The following TUBGCP4 variants were observed in gnomAD, a reference collection of about 807,000 sequenced individuals.
TUBGCP4 encodes the protein gamma-tubulin complex component 4.
TUBGCP4 carries 54 observed loss-of-function variants against 91.6 expected under a neutral mutation model. That is an observed-to-expected ratio of 0.59 (90% CI 0.47 to 0.74). The LOEUF is 0.74. TUBGCP4 is among the 30% of genes least tolerant of loss of function. The probability of loss-of-function intolerance (pLI) is 0.00; values close to 1 mark genes in which losing one functional copy is unlikely to be tolerated. For missense variants in TUBGCP4, 593 were observed against 800.9 expected (o/e 0.74, Z 3.13); for synonymous variants, 297 against 302.8 (o/e 0.98, Z 0.20).
intron 6 of TUBGCP4, among the ~76,000 whole-genome samples, chr15:43,380,454 A>C (rs1377246123): frequency 6.6e-6 from 1 of 152,246 alleles, no homozygotes; most frequent in Non-Finnish European, 1.5e-5. Flanking sequence ...ATTCCATTAC[A>C]TGTGCCAGAT....
chr15:43,399,924 C>T, intron 13 of TUBGCP4, 120 bp from the exon 14 acceptor site: 1 of 614,538 alleles, frequency 1.6e-6, no homozygotes, highest in South Asian at 2.7e-5. Context: ...TCTCTAGTCA[C>T]TCTTTCCTTA....
At chr15:43,384,314 A>C (rs1225884651) in intron 7 of TUBGCP4, among the ~76,000 whole-genome samples, 1 of 152,222 alleles carries the variant, frequency 6.6e-6, no homozygotes, top group South Asian at 2.1e-4. Context: ...AGATATAGAA[A>C]AGTAAACAGT....
intron 9 of TUBGCP4, among the ~76,000 whole-genome samples, chr15:43,386,725 C>CAAA (rs10718458): frequency 1.8e-4 from 12 of 66,986 alleles, no homozygotes; most frequent in Non-Finnish European, 2.3e-4. Flanking sequence ...ACTCTGTCTC[C>CAAA]AAAAAAAAAA....
rs1015030518 is a variant in TUBGCP4, at chr15:43,405,119, C to G, written c.1989-83C>G. 3 of 1,488,472 alleles carry G rather than the reference C, an allele frequency of 2.0e-6. No homozygotes were observed. The African/African-American group carries it at 4.2e-5, about 21-fold the overall frequency. 92.2% of individuals were successfully genotyped at this position (1,488,472 alleles called of 1,614,324 possible). ...AGTTTTAAGATGACATTATTTAGAT[C>G]ACAGGTTATCCTGATTCATATTTCT... On this transcript the variant is annotated intron_variant, in intron 17 of 17. Transcript: ENST00000564079.
intron 5 of TUBGCP4, among the ~76,000 whole-genome samples, chr15:43,379,030 G>T (rs575176861): frequency 6.6e-6 from 1 of 152,224 alleles, no homozygotes; most frequent in Non-Finnish European, 1.5e-5. Context: ...TTCAACTTCC[G>T]CTGGCTATAG....
In TUBGCP4 at chr15:43,397,213, G is replaced by A; in HGVS notation, c.1172-1G>A. ...GTCAGCCTGCGTGTTCTTTCTTGCA[G>A]ATGTGAATGTGGCCTTTCAACAGTC... On this transcript the variant is annotated splice_acceptor_variant, in intron 11 of 17. Transcript: ENST00000564079. LOFTEE classifies it high-confidence loss of function. 6.2e-7 allele frequency: 1 copy of A among 1,613,480 alleles called. No homozygotes were observed. Among genetic ancestry groups the A allele is most frequent in the Non-Finnish European group, 8.5e-7 (1 of 1,179,388 alleles).
intron 1 of TUBGCP4, among the ~76,000 whole-genome samples, chr15:43,374,676 A>C (rs2044176085): frequency 6.6e-6 from 1 of 152,204 alleles, no homozygotes; most frequent in African/African-American, 2.4e-5. Flanking sequence ...GGTATATCCC[A>C]AAAGAAGTGA....
chr15:43,399,204 G>T, intron 13 of TUBGCP4: 1 of 1,174,296 alleles, frequency 8.5e-7, no homozygotes, highest in Non-Finnish European at 1.1e-6. Context: ...CCAGGAATCA[G>T]CTGTTCTTCC....
At position 43,405,507 on chromosome 15, in the gene TUBGCP4, A is replaced by G. The variant is rs957186156; in HGVS notation, c.*293A>G. The G allele has an allele frequency of 6.2e-6, 3 of 481,970 alleles. No individual in the cohort carries two copies. The highest frequency in any genetic ancestry group is 5.8e-5 in the African/African-American group (3 of 51,426). The allele number at this position is 481,970 out of a possible 1,614,324, so 29.9% of individuals were successfully genotyped here. On this transcript the variant is annotated 3_prime_UTR_variant, in exon 18 of 18. Coordinates refer to ENST00000564079, the MANE Select transcript of TUBGCP4 (RefSeq NM_014444.5). ...AATAGTCATTTATTGAGCACCTACTACGTACCTTGGTACTGTTCAAGCTGT... is the reference window on the plus strand; with the variant it reads ...AATAGTCATTTATTGAGCACCTACTGCGTACCTTGGTACTGTTCAAGCTGT...
rs996030200 is a variant in TUBGCP4 at position 43,406,939 on chromosome 15, CAG to C, written c.*1728_*1729del. ...GAGGTCTTTTTTAACTGTCAGGAAA[CAG>C]AGCTGTGCCCAATTCCACTCAACTT... On this transcript the variant is annotated 3_prime_UTR_variant, in exon 18 of 18. Transcript: ENST00000564079. The C allele has an allele frequency of 1.6e-5, 4 of 242,730 alleles. No individual in the cohort carries two copies. The highest frequency in any genetic ancestry group is 2.1e-4 in the East Asian group (2 of 9,494). The allele number at this position is 242,730 out of a possible 1,614,324, so 15.0% of individuals were successfully genotyped here.
At chr15:43,374,638 C>G (rs1456132101) in intron 1 of TUBGCP4, among the ~76,000 whole-genome samples, 1 of 151,984 alleles carries the variant, frequency 6.6e-6, no homozygotes, top group Non-Finnish European at 1.5e-5. Context: ...ATATAAAATT[C>G]CCATACAATC....
chr15:43,398,580 C>T (rs1051686014), intron 13 of TUBGCP4, among the ~76,000 whole-genome samples: 4 of 152,034 alleles, frequency 2.6e-5, no homozygotes, highest in Admixed American at 2.0e-4. Flanking sequence ...TTTTAAATTG[C>T]CAAATAATAA....
At chr15:43,373,894 C>T (rs1052989767) in intron 1 of TUBGCP4, among the ~76,000 whole-genome samples, 42 of 152,050 alleles carry the variant, frequency 2.8e-4, no homozygotes, top group African/African-American at 9.2e-4. Context: ...CCTCGTGATC[C>T]GCCCACCTCG....
chr15:43,374,142 A>G (rs2044167721), intron 1 of TUBGCP4, among the ~76,000 whole-genome samples: 1 of 152,252 alleles, frequency 6.6e-6, no homozygotes, highest in African/African-American at 2.4e-5. Context: ...GCATCCACAT[A>G]TAATCCATAT....
chr15:43,383,561 C>A, intron 7 of TUBGCP4, 57 bp downstream of exon 7: 1 of 1,451,460 alleles, frequency 6.9e-7, no homozygotes, highest in Non-Finnish European at 9.2e-7. Context: ...AAAGCATGCA[C>A]ACAAATGATC....
At chr15:43,386,375 A>AATTTTTTTTTTTTTTTT (rs2044369155) in intron 9 of TUBGCP4, 45 bp downstream of exon 9, 1 of 36,054 alleles carries the variant, frequency 2.8e-5, no homozygotes, top group Admixed American at 3.9e-4. Flanking sequence ...ATATATATAT[A>AATTTTTTTTTTTTTTTT]TATTTTTTTT....
intron 14 of TUBGCP4, 51 bp downstream of exon 14, chr15:43,400,272 A>T: frequency 6.5e-7 from 1 of 1,547,438 alleles, no homozygotes. Flanking sequence ...AACGTCTAGG[A>T]GGTTGGCAGG....
At chr15:43,386,091 G>A (rs1348405994) in intron 8 of TUBGCP4, 115 bp from the exon 9 acceptor site, 19 of 1,523,450 alleles carry the variant, frequency 1.2e-5, no homozygotes, top group South Asian at 3.9e-5. Context: ...GAATCATGAC[G>A]TTTGTCTGAG....
intron 9 of TUBGCP4, among the ~76,000 whole-genome samples, chr15:43,389,388 CTATTTT>C (rs150233094): frequency 2.6e-5 from 4 of 151,874 alleles, no homozygotes; most frequent in African/African-American, 9.7e-5. Context: ...AACTTTCCTT[CTATTTT>C]TATTTTTATT....
Sources: gnomAD v4.1 joint callset for allele counts (sites outside exome capture counted in the v4.1 genomes callset) on GRCh38, gnomAD v4.1.1 for gene constraint, MANE v1.5 for transcripts, NCBI Gene and HGNC (gene_info 2026-07-23, HGNC 2026-07-21) for gene names.